Variants in GPR158 observed in about 807,000 individuals in gnomAD.
GPR158 encodes the protein G protein-coupled receptor 158.
In GPR158, 30 loss-of-function variants were observed where a neutral mutation model predicts 78.2. The observed-to-expected ratio is 0.38, with a 90% CI of 0.29 to 0.52. The LOEUF (loss-of-function observed/expected upper bound fraction) is 0.52, where lower values mean the gene tolerates loss of function less well. Ranked by LOEUF, GPR158 falls within the 20% of genes least tolerant of loss-of-function variation. GPR158 has a pLI of 0.83. For missense variants in GPR158, 1,463 were observed against 1,523.5 expected, an observed-to-expected ratio of 0.96 and a Z score of 0.66; for synonymous variants, 581 against 591.1, an observed-to-expected ratio of 0.98 and a Z score of 0.25.
chr10:25,202,043 A>G (rs1852936366), intron 1 of GPR158, among the ~76,000 whole-genome samples: 1 of 152,042 alleles, frequency 6.6e-6, no homozygotes, highest in Admixed American at 6.6e-5. Flanking sequence ...TTCAGTAGGA[A>G]TGGTATTATA....
In GPR158 at chr10:25,426,617, A is replaced by T. The variant is rs138623557; in HGVS notation, c.1335+14144A>T. Among the ~76,000 whole-genome samples the T allele has an allele frequency of 2.9e-3, 449 of 152,232 alleles. 2 individuals carry two copies. The highest frequency in any genetic ancestry group is 0.01 in the African/African-American group (435 of 41,560). Reference sequence around the variant, plus strand: ...CCAGTCAGTGGAGCAGTCAGAATACACAAGATTTATGAAGTCTGCTGTCTT... The same window carrying T: ...CCAGTCAGTGGAGCAGTCAGAATACTCAAGATTTATGAAGTCTGCTGTCTT... On this transcript the variant is annotated intron_variant, in intron 4 of 10. Coordinates refer to ENST00000376351, the MANE Select transcript of GPR158 (RefSeq NM_020752.3).
chr10:25,572,929 C>T, intron 7 of GPR158, 42 bp downstream of exon 7: 5 of 1,143,794 alleles, frequency 4.4e-6, no homozygotes, highest in Non-Finnish European at 6.7e-6. Flanking sequence ...TACCATTTTT[C>T]AGTAGCATTA....
chr10:25,271,390 T>C (rs1255483566), intron 2 of GPR158, among the ~76,000 whole-genome samples: 14 of 152,232 alleles, frequency 9.2e-5, no homozygotes, highest in Middle Eastern at 3.2e-3. Context: ...TTATCTTTAA[T>C]TTTTAGCATA....
intron 5 of GPR158, among the ~76,000 whole-genome samples, chr10:25,539,769 T>C (rs917803381): frequency 2.0e-5 from 3 of 152,192 alleles, no homozygotes; most frequent in African/African-American, 7.2e-5. Flanking sequence ...ATAGCCATTC[T>C]CATGTATGTG....
chr10:25,281,299 C>G (rs1456721187), intron 2 of GPR158, among the ~76,000 whole-genome samples: 1 of 150,714 alleles, frequency 6.6e-6, no homozygotes, highest in Non-Finnish European at 1.5e-5. Flanking sequence ...TGGGGTGGCT[C>G]ACACCTGTAA....
chr10:25,223,704 G>T (rs1588743533), intron 2 of GPR158, among the ~76,000 whole-genome samples: 1 of 152,108 alleles, frequency 6.6e-6, no homozygotes, highest in South Asian at 2.1e-4. Context: ...GGATCGCTGT[G>T]TAAACTGGCT....
intron 4 of GPR158, among the ~76,000 whole-genome samples, chr10:25,424,244 G>A (rs144629549): frequency 0.039 from 5,981 of 152,184 alleles, 124 homozygotes; most frequent in African/African-American, 0.048. Flanking sequence ...ATTTTTTCTT[G>A]TAAATTTAAG....
At chr10:25,310,791 T>A (rs60336175) in intron 2 of GPR158, among the ~76,000 whole-genome samples, 30,783 of 152,008 alleles carry the variant, frequency 0.2, 5,269 homozygotes, top group African/African-American at 0.47. Context: ...AGAGATCTTT[T>A]TCTACAACCA....
intron 2 of GPR158, among the ~76,000 whole-genome samples, chr10:25,289,069 G>C (rs1408794928): frequency 6.6e-6 from 1 of 152,142 alleles, no homozygotes; most frequent in Non-Finnish European, 1.5e-5. Context: ...AAGCAACTTG[G>C]CCTCTGGCAA....
chr10:25,269,640 A>G (rs1220702598), intron 2 of GPR158, among the ~76,000 whole-genome samples: 2 of 152,214 alleles, frequency 1.3e-5, no homozygotes, highest in Non-Finnish European at 2.9e-5. Context: ...TGAACACAGT[A>G]TAGACCAGAC....
intron 2 of GPR158, among the ~76,000 whole-genome samples, chr10:25,353,436 C>A (rs924449834): frequency 6.6e-6 from 1 of 151,698 alleles, no homozygotes; most frequent in Non-Finnish European, 1.5e-5. Context: ...TGTAACTAAC[C>A]TGCACATTGT....
At chr10:25,306,709 G>A (rs188095369) in intron 2 of GPR158, among the ~76,000 whole-genome samples, 106 of 152,174 alleles carry the variant, frequency 7.0e-4, no homozygotes, top group African/African-American at 2.4e-3. Context: ...TTACTAATGT[G>A]TCATGCATGC....
At chr10:25,310,145 G>T (rs1231425072) in intron 2 of GPR158, among the ~76,000 whole-genome samples, 1 of 152,142 alleles carries the variant, frequency 6.6e-6, no homozygotes. Context: ...AACAGCATTT[G>T]TTGAAAAGAC....
chr10:25,471,762 T>G (rs1188747325), intron 5 of GPR158, among the ~76,000 whole-genome samples: 1 of 152,204 alleles, frequency 6.6e-6, no homozygotes, highest in East Asian at 1.9e-4. Context: ...AATATCTTCT[T>G]TTGAGAAGTG....
At chr10:25,451,391 T>G (rs1455312728) in intron 4 of GPR158, among the ~76,000 whole-genome samples, 1 of 152,216 alleles carries the variant, frequency 6.6e-6, no homozygotes, top group African/African-American at 2.4e-5. Flanking sequence ...TAATTTTAAT[T>G]TGCATTTCCC....
intron 2 of GPR158, among the ~76,000 whole-genome samples, chr10:25,329,722 G>A (rs1214132852): frequency 2.6e-5 from 4 of 151,656 alleles, no homozygotes; most frequent in South Asian, 2.1e-4. Context: ...TTAACCTACA[G>A]TAATTAGACA....
At chr10:25,243,200 C>A (rs1183090582) in intron 2 of GPR158, among the ~76,000 whole-genome samples, 1 of 152,214 alleles carries the variant, frequency 6.6e-6, no homozygotes, top group Non-Finnish European at 1.5e-5. Flanking sequence ...CTTTTGCCAG[C>A]TCTTTACTTG....
At chr10:25,476,773 A>G (rs1048800305) in intron 5 of GPR158, among the ~76,000 whole-genome samples, 2 of 152,104 alleles carry the variant, frequency 1.3e-5, no homozygotes, top group Non-Finnish European at 2.9e-5. Flanking sequence ...AATGACATCA[A>G]ACGGGAGGCT....
intron 4 of GPR158, among the ~76,000 whole-genome samples, chr10:25,465,614 G>A (rs1223556667): frequency 6.6e-6 from 1 of 152,222 alleles, no homozygotes; most frequent in Admixed American, 6.5e-5. Context: ...CACAAGGTGA[G>A]ATACCCTTGT....
Sources: allele counts gnomAD v4.1 joint callset (sites outside exome capture counted in the v4.1 genomes callset), GRCh38; gene constraint gnomAD v4.1.1; transcripts MANE v1.5; gene names NCBI Gene and HGNC (gene_info 2026-07-23, HGNC 2026-07-21).